Variants in LMBR1 observed in about 807,000 individuals in gnomAD.
LMBR1 encodes the protein limb development membrane protein 1, also known as limb region 1 protein homolog.
A neutral mutation model predicts 73.9 loss-of-function variants in LMBR1; 52 were observed. The observed-to-expected ratio is 0.70, with a 90% CI of 0.56 to 0.89. The LOEUF is 0.89. Among genes scored for constraint, LMBR1 ranks in the 40% least tolerant of loss-of-function variants. The pLI, the probability that LMBR1 is intolerant of heterozygous loss-of-function variation, is 0.00. For missense variants in LMBR1, 539 were observed against 579.8 expected, an observed-to-expected ratio of 0.93 and a Z score of 0.72; for synonymous variants, 215 against 209.4, an observed-to-expected ratio of 1.03 and a Z score of -0.23.
rs139561937 is a variant in LMBR1, at chr7:156,804,276, T to C, written c.320-7784A>G. On this transcript the variant is annotated intron_variant, in intron 4 of 16. Coordinates refer to ENST00000353442, the MANE Select transcript of LMBR1 (RefSeq NM_022458.4). ...ATTTTGAGATTAGATTGAATCGCTATTGGACTGCATCCATTCACCTGCAAA... is the reference window on the plus strand; with the variant it reads ...ATTTTGAGATTAGATTGAATCGCTACTGGACTGCATCCATTCACCTGCAAA... 1.7e-3 allele frequency among the ~76,000 whole-genome samples: 263 copies of C among 152,354 alleles called. 3 individuals carry two copies. Among genetic ancestry groups the C allele is most frequent in the African/African-American group, 6.2e-3 (258 of 41,594 alleles).
intron 5 of LMBR1, among the ~76,000 whole-genome samples, chr7:156,790,638 G>T (rs960494619): frequency 6.6e-6 from 1 of 151,788 alleles, no homozygotes; most frequent in African/African-American, 2.4e-5. Context: ...TTTAAAAAAA[G>T]CTGTTACTTA....
At chr7:156,804,035 C>G (rs957630989) in intron 4 of LMBR1, among the ~76,000 whole-genome samples, 1 of 151,286 alleles carries the variant, frequency 6.6e-6, no homozygotes, top group Admixed American at 6.6e-5. Flanking sequence ...GGAGATATAC[C>G]TAATGCTAAA....
rs988372565 is a variant in LMBR1 at position 156,683,950 on chromosome 7, A to G, written c.*128T>C. 7.1e-6 allele frequency: 5 copies of G among 708,266 alleles called. No individual in the cohort carries two copies. The highest frequency in any genetic ancestry group is 1.2e-5 in the Non-Finnish European group (5 of 408,678). 43.9% of individuals were successfully genotyped at this position (708,266 alleles called of 1,614,324 possible). Reference sequence around the variant, plus strand: ...GTTCTTCGTAGATTATGAAAAAAAAATGGCACTGATAGGTCTAGGTTCTGA... The same window carrying G: ...GTTCTTCGTAGATTATGAAAAAAAAGTGGCACTGATAGGTCTAGGTTCTGA... On this transcript the variant is annotated 3_prime_UTR_variant, in exon 17 of 17. Transcript: ENST00000353442.
chr7:156,676,379 A>G (rs759947725), downstream of LMBR1: 1 of 1,613,948 alleles, frequency 6.2e-7, no homozygotes, highest in South Asian at 1.1e-5. Context: ...GCTGTGATGA[A>G]ACTAACCCGC....
downstream of LMBR1, among the ~76,000 whole-genome samples, chr7:156,674,095 C>T (rs1272088241): frequency 6.6e-6 from 1 of 152,204 alleles, no homozygotes; most frequent in Non-Finnish European, 1.5e-5. Flanking sequence ...GCAGATGTAA[C>T]TGCTGAATCG....
At chr7:156,866,739 G>A (rs1798521862) in intron 1 of LMBR1, among the ~76,000 whole-genome samples, 1 of 151,770 alleles carries the variant, frequency 6.6e-6, no homozygotes, top group African/African-American at 2.4e-5. Flanking sequence ...GAGTAGCTGA[G>A]ATTATGGGCG....
chr7:156,836,485 A>G (rs1402539504), intron 2 of LMBR1, among the ~76,000 whole-genome samples: 1 of 152,230 alleles, frequency 6.6e-6, no homozygotes, highest in Non-Finnish European at 1.5e-5. Context: ...GGTGTGGATG[A>G]GTAAAACATT....
intron 10 of LMBR1, 111 bp from the exon 11 acceptor site, chr7:156,728,831 C>A: frequency 1.3e-6 from 1 of 776,852 alleles, no homozygotes; most frequent in Non-Finnish European, 2.0e-6. Flanking sequence ...ACATAAATTA[C>A]TTTTAATTTT....
chr7:156,841,934 A>G (rs547895022), intron 1 of LMBR1, among the ~76,000 whole-genome samples: 1 of 140,568 alleles, frequency 7.1e-6, no homozygotes, highest in Non-Finnish European at 1.6e-5. Context: ...AAAATTATTG[A>G]TGCAAGAGAA....
rs1056117291 is a variant in LMBR1, at chr7:156,681,842, G to A, written c.*2236C>T. On this transcript the variant is annotated 3_prime_UTR_variant, in exon 17 of 17. Transcript: ENST00000353442. ...GACTGTCCTTACCAGGACTCAGAAC[G>A]TTTGGCCTCCGTATTCTGGCATCCA... 12 of 152,276 alleles carry A rather than the reference G, an allele frequency of 7.9e-5. No homozygotes were observed. The highest frequency in any genetic ancestry group is 2.4e-4 in the African/African-American group (10 of 41,470). 9.4% of individuals were successfully genotyped at this position (152,276 alleles called of 1,614,324 possible).
At chr7:156,762,408 T>C (rs1823228361) in intron 7 of LMBR1, among the ~76,000 whole-genome samples, 1 of 152,196 alleles carries the variant, frequency 6.6e-6, no homozygotes, top group Non-Finnish European at 1.5e-5. Flanking sequence ...AGGATAGGTG[T>C]AATTAGTTAT....
chr7:156,876,523 A>G (rs1194578157), intron 1 of LMBR1, among the ~76,000 whole-genome samples: 1 of 152,202 alleles, frequency 6.6e-6, no homozygotes, highest in Non-Finnish European at 1.5e-5. Flanking sequence ...TATATATTCT[A>G]TTCATCAGAG....
intron 1 of LMBR1, among the ~76,000 whole-genome samples, chr7:156,859,271 A>C (rs1244848505): frequency 2.6e-5 from 4 of 151,684 alleles, no homozygotes; most frequent in Non-Finnish European, 5.9e-5. Context: ...AAACACTAGA[A>C]TCTTTCTCCC....
chr7:156,772,720 C>A (rs1256097031), intron 5 of LMBR1, among the ~76,000 whole-genome samples: 1 of 151,896 alleles, frequency 6.6e-6, no homozygotes, highest in African/African-American at 2.4e-5. Flanking sequence ...TGGTGGCAGG[C>A]ACCTGTAGTC....
downstream of LMBR1, chr7:156,675,600 G>T: frequency 1.0e-6 from 1 of 964,508 alleles, no homozygotes; most frequent in South Asian, 1.4e-5. Context: ...CAGAGACGAG[G>T]AAGGTTACCA....
chr7:156,819,943 C>G (rs1834496683), intron 4 of LMBR1, among the ~76,000 whole-genome samples: 1 of 152,152 alleles, frequency 6.6e-6, no homozygotes, highest in African/African-American at 2.4e-5. Context: ...CAAGTGGAAG[C>G]TACTAGAACT....
At chr7:156,888,695 A>G (rs1436259522) in intron 1 of LMBR1, among the ~76,000 whole-genome samples, 1 of 152,194 alleles carries the variant, frequency 6.6e-6, no homozygotes, top group Admixed American at 6.5e-5. Context: ...GGGTGGGTGC[A>G]TCACTTGAGG....
chr7:156,850,934 G>GT (rs1796151769), intron 1 of LMBR1, among the ~76,000 whole-genome samples: 1 of 152,160 alleles, frequency 6.6e-6, no homozygotes, highest in Non-Finnish European at 1.5e-5. Context: ...TTGGTGATGA[G>GT]TAAGTTCTAT....
chr7:156,849,208 G>A (rs570227065), intron 1 of LMBR1, among the ~76,000 whole-genome samples: 16 of 152,220 alleles, frequency 1.1e-4, no homozygotes, highest in South Asian at 1.0e-3. Flanking sequence ...CCTTTGCAGC[G>A]ACATGGATGG....
Sources: gnomAD v4.1 joint callset for allele counts (sites outside exome capture counted in the v4.1 genomes callset) on GRCh38, gnomAD v4.1.1 for gene constraint, MANE v1.5 for transcripts, NCBI Gene and HGNC (gene_info 2026-07-23, HGNC 2026-07-21) for gene names.